Variants in SH3D21 observed in about 807,000 individuals in gnomAD.
SH3D21 encodes SH3 domain-containing protein 21.
In SH3D21, 83 loss-of-function variants were observed where a neutral mutation model predicts 82.1. That is an observed-to-expected ratio of 1.01 (90% CI 0.85 to 1.21). SH3D21 has a LOEUF of 1.21. SH3D21 is among the 50% of genes most tolerant of loss of function. The pLI, the probability that SH3D21 is intolerant of heterozygous loss-of-function variation, is 0.00. For synonymous variants in SH3D21, 383 were observed against 387.8 expected (o/e 0.99, Z 0.15); for missense variants, 980 against 962.1 (o/e 1.02, Z -0.25).
rs1646426545 is a variant in SH3D21 at position 36,320,341 on chromosome 1, T to C, written c.1678T>C (p.Ser560Pro). Reference protein sequence around the residue: ...MKCTLVRGDSSPRQAELKSGP... With the variant: ...MKCTLVRGDSPPRQAELKSGP... ...ATGTACCCTAGTTAGAGGGGACAGC[T>C]CCCCACGCCAGGCTGAGTTGAAGTC... Residue 560 changes from serine to proline, a missense_variant, in exon 14 of 16, where the codon TCC (serine) becomes CCC (proline). Physicochemically the swap from Ser to Pro is moderately conservative, Grantham distance 74 (BLOSUM62 -1). Coordinates refer to ENST00000453908, the MANE Select transcript of SH3D21 (RefSeq NM_001162530.2). 1 of 1,613,124 alleles carries C rather than the reference T, an allele frequency of 6.2e-7. No individual in the cohort carries two copies. The highest frequency in any genetic ancestry group is 1.1e-5 in the South Asian group (1 of 91,068).
intron 10 of SH3D21, among the ~76,000 whole-genome samples, chr1:36,316,593 C>T (rs976261235): frequency 2.0e-5 from 3 of 152,044 alleles, no homozygotes; most frequent in African/African-American, 2.4e-5. Context: ...GAAGCTGCTT[C>T]GGTCCTCCTG....
downstream of SH3D21, chr1:36,322,993 C>G (rs763603454): frequency 2.5e-6 from 4 of 1,605,520 alleles, no homozygotes; most frequent in African/African-American, 1.3e-5. Context: ...CGTAGGCAGC[C>G]AGGCTGTTGC....
In SH3D21 at chr1:36,320,497, CTGAG is replaced by C. The variant is rs1557486250; in HGVS notation, c.1835_1838del (p.Leu612GlnfsTer16). ...GGCGCCCCCCAACGAGCAGAGGCCT[CTGAG>C]AGAGGAGGTGCTCCCCAAAGAGGGA... On this transcript the variant is annotated frameshift_variant, in exon 14 of 16. Coordinates refer to ENST00000453908, the MANE Select transcript of SH3D21 (RefSeq NM_001162530.2). LOFTEE classifies it high-confidence loss of function. 3.1e-6 allele frequency: 5 copies of C among 1,614,152 alleles called. No homozygotes were observed. The highest frequency in any genetic ancestry group is 1.3e-5 in the African/African-American group (1 of 75,026).
intron 8 of SH3D21, 73 bp downstream of exon 8, chr1:36,308,282 C>G: frequency 6.8e-7 from 1 of 1,469,858 alleles, no homozygotes; most frequent in Non-Finnish European, 9.3e-7. Context: ...CATGTACCCC[C>G]TGAATCTAAA....
Position 36,318,954 on chromosome 1 carries a change from G to A in SH3D21, c.770-117G>A, listed in dbSNP as rs373068700. On this transcript the variant is annotated intron_variant, in intron 10 of 15. Coordinates refer to ENST00000453908, the MANE Select transcript of SH3D21 (RefSeq NM_001162530.2). ...AATAATAATAATACAAAAATTAGCC[G>A]GGTGCAGTGGCGCATAGTCAAACAA... 3.6e-4 allele frequency: 163 copies of A among 454,374 alleles called. 1 individual carries two copies. The East Asian group carries it at 5.2e-3, about 14-fold the overall frequency. The allele number at this position is 454,374 out of a possible 1,614,324, so 28.1% of individuals were successfully genotyped here.
chr1:36,311,315 A>G (rs1025666554), intron 10 of SH3D21, among the ~76,000 whole-genome samples: 3 of 151,906 alleles, frequency 2.0e-5, no homozygotes. Context: ...ATCTGGGCTC[A>G]CTGCAAGCTC....
Position 36,320,222 on chromosome 1 carries a change from C to T in SH3D21, c.1559C>T (p.Ala520Val), listed in dbSNP as rs748666841. The stretch of plus-strand genomic sequence containing the variant: ...CTGCAGAAGGTCAAGTACTTTGTAG[C>T]CAAAGAGGATCCATCATCCCAGGAG... Reference protein sequence around the residue: ...EALQKVKYFVAKEDPSSQEEA... With the variant: ...EALQKVKYFVVKEDPSSQEEA... Residue 520 changes from alanine to valine, a missense_variant, in exon 14 of 16, where the codon GCC (alanine) becomes GTC (valine). Coordinates refer to ENST00000453908, the MANE Select transcript of SH3D21 (RefSeq NM_001162530.2). The T allele has an allele frequency of 4.3e-6, 7 of 1,613,218 alleles. No homozygotes were observed. The South Asian group carries it at 6.6e-5, about 15-fold the overall frequency.
At chr1:36,311,067 C>T (rs1646230028) in intron 10 of SH3D21, among the ~76,000 whole-genome samples, 1 of 151,898 alleles carries the variant, frequency 6.6e-6, no homozygotes. Flanking sequence ...CACCACCATG[C>T]CCGGCTAATA....
At chr1:36,322,062 A>C (rs1044373686), downstream of SH3D21, 63 of 1,325,588 alleles carry the variant, frequency 4.8e-5, no homozygotes, top group Non-Finnish European at 5.8e-5. Flanking sequence ...TCATTTGGTC[A>C]CTTCACCTCT....
rs375922026 is a variant in SH3D21 at position 36,306,693 on chromosome 1, C to T, written c.100C>T (p.Arg34Trp). The change falls in exon 2 of 16, where the codon CGG becomes TGG. Residue 34 changes from arginine to tryptophan, a missense_variant. Coordinates refer to ENST00000453908, the MANE Select transcript of SH3D21 (RefSeq NM_001162530.2). This position sits in a 1 kb window ranked among gnomAD's most constrained non-coding sequence, Gnocchi z 4.5. ...CCGGCAGGTGCGCTGGGTGCCCGCG[C>T]GGGGCTGGCTTCGCGGAGAGTTTGG... ...VVRQVRWVPA[R>W]GWLRGEFGGR... 2.5e-4 allele frequency: 320 copies of T among 1,295,748 alleles called. 5 individuals are homozygous for T. The East Asian group carries it at 9.1e-3, about 37-fold the overall frequency. The allele number at this position is 1,295,748 out of a possible 1,614,324, so 80.3% of individuals were successfully genotyped here. A position where few individuals can be genotyped will look rare whatever the true frequency, so the allele number is the denominator to read the frequency against.
downstream of SH3D21, among the ~76,000 whole-genome samples, chr1:36,327,057 G>A (rs1413976256): frequency 1.3e-5 from 2 of 152,182 alleles, no homozygotes; most frequent in Non-Finnish European, 2.9e-5. Context: ...TAAGGGGGCA[G>A]AGAGAGAAGG....
chr1:36,325,823 C>A (rs557813017), downstream of SH3D21, among the ~76,000 whole-genome samples: 1 of 152,192 alleles, frequency 6.6e-6, no homozygotes, highest in Non-Finnish European at 1.5e-5. Context: ...GGATTACGGG[C>A]GTGAGCCACC....
At position 36,307,383 on chromosome 1, in the gene SH3D21, C is replaced by A. The variant is rs2124669976; in HGVS notation, c.345+98C>A. On this transcript the variant is annotated intron_variant, in intron 4 of 15. Coordinates refer to ENST00000453908, the MANE Select transcript of SH3D21 (RefSeq NM_001162530.2). The surrounding 1 kb of genome is among the most constrained non-coding windows in gnomAD (Gnocchi z 5.4). ...GTGAGGGTGTGGACGGTGGGAATGG[C>A]GACGGTGCAGATACGGGGAAGCGCG... 6.6e-7 allele frequency: 1 copy of A among 1,515,732 alleles called. No homozygotes were observed. Among genetic ancestry groups the A allele is most frequent in the Non-Finnish European group, 8.9e-7 (1 of 1,119,522 alleles). 93.9% of individuals were successfully genotyped at this position (1,515,732 alleles called of 1,614,324 possible). A position where few individuals can be genotyped will look rare whatever the true frequency, so the allele number is the denominator to read the frequency against.
chr1:36,308,988 AC>A (rs1439882008), intron 9 of SH3D21, among the ~76,000 whole-genome samples: 1 of 151,846 alleles, frequency 6.6e-6, no homozygotes, highest in East Asian at 1.9e-4. Context: ...TGGGAATGGG[AC>A]CCCAACCTAA....
chr1:36,326,144 C>T (rs979837427), downstream of SH3D21, among the ~76,000 whole-genome samples: 2 of 152,048 alleles, frequency 1.3e-5, no homozygotes, highest in African/African-American at 4.8e-5. Flanking sequence ...GAAAGCCACG[C>T]AGATGGTGTG....
chr1:36,322,734 C>T (rs1183666837), downstream of SH3D21: 1 of 1,545,744 alleles, frequency 6.5e-7, no homozygotes, highest in Admixed American at 2.0e-5. Context: ...GGCTGCGGGG[C>T]ACAGGGCGGG....
rs1156443208 is a variant in SH3D21 at position 36,319,872 on chromosome 1, C to T, written c.1209C>T (p.Thr403=). The change falls in exon 14 of 16, where the codon ACC becomes ACT. Residue 403 remains threonine (T), a synonymous_variant. Transcript: ENST00000453908. The part of the protein sequence containing the change: ...GDKASIPGNS[T]SGKIPAPDKV... The stretch of plus-strand genomic sequence containing the variant: ...AGGCCTCTATCCCAGGGAACTCCAC[C>T]TCGGGGAAGATCCCAGCTCCTGACA... The T allele has an allele frequency of 6.2e-7, 1 of 1,614,032 alleles. No homozygotes were observed. Among genetic ancestry groups the T allele is most frequent in the Non-Finnish European group, 8.5e-7 (1 of 1,179,974 alleles).
downstream of SH3D21, chr1:36,323,658 G>A (rs1265516207): frequency 6.6e-6 from 1 of 152,104 alleles, no homozygotes; most frequent in African/African-American, 2.4e-5. Flanking sequence ...GGGACGGGGC[G>A]GGGCGGGGCG....
downstream of SH3D21, among the ~76,000 whole-genome samples, chr1:36,326,234 CT>C (rs369308991): frequency 6.5e-4 from 94 of 144,358 alleles, no homozygotes; most frequent in Middle Eastern, 3.5e-3. Context: ...TTCTTTCTTT[CT>C]TTTTTTTTTT....
Sources: gnomAD v4.1 joint callset for allele counts (sites outside exome capture counted in the v4.1 genomes callset) on GRCh38, gnomAD v4.1.1 for gene constraint, Gnocchi (gnomAD v3.1) non-coding constraint, MANE v1.5 for transcripts, NCBI Gene and HGNC (gene_info 2026-07-23, HGNC 2026-07-21) for gene names.